MTMR10: variants seen among roughly 807,000 people sequenced by gnomAD.
The protein encoded by MTMR10 is myotubularin-related protein 10.
MTMR10 carries 56 observed loss-of-function variants against 88.1 expected under a neutral mutation model. The ratio of observed to expected loss-of-function variants is 0.64; its 90% CI spans 0.51 to 0.79. The LOEUF is 0.79. Ranked by LOEUF, MTMR10 falls within the 30% of genes least tolerant of loss-of-function variation. The pLI is 0.00. For synonymous variants in MTMR10, 380 were observed against 340.9 expected (o/e 1.11, Z -1.26); for missense variants, 883 against 924.7 (o/e 0.95, Z 0.58).
chr15:30,968,199 C>G (rs1359969940), intron 5 of MTMR10, 189 bp from the exon 6 acceptor site: 1 of 423,590 alleles, frequency 2.4e-6, no homozygotes, highest in Non-Finnish European at 4.2e-6. Context: ...TTCATGCCCT[C>G]AAGACATTGT....
intron 6 of MTMR10, among the ~76,000 whole-genome samples, chr15:30,964,890 A>G (rs1024503588): frequency 6.6e-6 from 1 of 152,210 alleles, no homozygotes; most frequent in East Asian, 1.9e-4. Context: ...TGGCCAATTG[A>G]TATCTAGAAT....
chr15:30,975,103 T>TA, intron 3 of MTMR10, 100 bp from the exon 4 acceptor site: 2 of 906,048 alleles, frequency 2.2e-6, no homozygotes, highest in Non-Finnish European at 3.2e-6. Flanking sequence ...CAGTTATCTC[T>TA]AAAAAGCACA....
the MTMR10 span, chr15:30,927,200 C>A: frequency 2.0e-6 from 2 of 977,798 alleles, no homozygotes; most frequent in South Asian, 4.7e-5. Context: ...CAGAGTGAGA[C>A]CCTGTCTCAA....
Position 30,953,545 on chromosome 15 carries a change from A to G in MTMR10, c.1136+17T>C. ...AAAATAAAAAGTTAAAGGAAAAGAA[A>G]GTAAAGAAGTACAAACCTTACATAT... On this transcript the variant is annotated intron_variant, in intron 11 of 15. Coordinates refer to ENST00000435680, the MANE Select transcript of MTMR10 (RefSeq NM_017762.3). 1 of 1,509,362 alleles carries G rather than the reference A, an allele frequency of 6.6e-7. No homozygotes were observed. The highest frequency in any genetic ancestry group is 2.5e-5 in the East Asian group (1 of 40,714). 93.5% of individuals were successfully genotyped at this position (1,509,362 alleles called of 1,614,324 possible).
At chr15:30,930,614 C>T in the MTMR10 span, 1 of 1,612,942 alleles carries the variant, frequency 6.2e-7, no homozygotes, top group Non-Finnish European at 8.5e-7. Flanking sequence ...ACTTTCGACA[C>T]TGTCGAGGGG....
At chr15:30,946,875 T>TTAAAGTAATTTACATA (rs1566947265) in intron 14 of MTMR10, 5 of 613,376 alleles carry the variant, frequency 8.2e-6, no homozygotes, top group Non-Finnish European at 1.4e-5. Flanking sequence ...TTTAAGGTGG[T>TTAAAGTAATTTACATA]TAAAGTAATT....
At chr15:30,930,539 T>G in the MTMR10 span, 2 of 1,591,614 alleles carry the variant, frequency 1.3e-6, no homozygotes, top group Non-Finnish European at 1.7e-6. Context: ...TGTTTTGTGT[T>G]CAGGATCTTG....
At chr15:30,990,943 A>C in intron 1 of MTMR10, 106 bp from the exon 2 acceptor site, 1 of 881,004 alleles carries the variant, frequency 1.1e-6, no homozygotes, top group Middle Eastern at 2.2e-4. Context: ...AAAGACACAC[A>C]GCCCCCCATT....
chr15:30,963,221 C>T (rs1257387321), intron 6 of MTMR10, among the ~76,000 whole-genome samples: 1 of 152,180 alleles, frequency 6.6e-6, no homozygotes, highest in African/African-American at 2.4e-5. Context: ...GGCTGCCCTA[C>T]TTCCATCACT....
At chr15:30,984,770 C>A (rs572879608) in intron 2 of MTMR10, among the ~76,000 whole-genome samples, 1 of 152,286 alleles carries the variant, frequency 6.6e-6, no homozygotes, top group South Asian at 2.1e-4. Context: ...ACTGTAGATG[C>A]GAACAGGGAA....
rs2063045873 is a variant in MTMR10 at position 30,941,358 on chromosome 15, C to CTATT, written c.*108_*111dup. ...TTTTAAATATTAGTGCAAATTCCAA[C>CTATT]TATTATTCTTACATATAAAGTTATT... On this transcript the variant is annotated 3_prime_UTR_variant, in exon 16 of 16. Coordinates refer to ENST00000435680, the MANE Select transcript of MTMR10 (RefSeq NM_017762.3). 1 of 1,536,836 alleles carries CTATT rather than the reference C, an allele frequency of 6.5e-7. No homozygotes were observed. The highest frequency in any genetic ancestry group is 8.7e-7 in the Non-Finnish European group (1 of 1,144,716).
the MTMR10 span, among the ~76,000 whole-genome samples, chr15:30,920,966 T>G: frequency 6.6e-6 from 1 of 152,154 alleles, no homozygotes; most frequent in Non-Finnish European, 1.5e-5. Context: ...GTATTTTTAG[T>G]AGAGGTGAGA....
intron 5 of MTMR10, among the ~76,000 whole-genome samples, chr15:30,972,098 G>GA (rs1357464959): frequency 1.3e-5 from 2 of 152,092 alleles, no homozygotes; most frequent in African/African-American, 4.8e-5. Flanking sequence ...CTCCAAACAT[G>GA]CATTTCATCA....
chr15:30,922,164 G>A, the MTMR10 span: 2 of 1,554,738 alleles, frequency 1.3e-6, no homozygotes. Flanking sequence ...CCAATCCTAT[G>A]GGCTTGTAAA....
the MTMR10 span, among the ~76,000 whole-genome samples, chr15:30,931,568 C>T: frequency 6.6e-6 from 1 of 152,146 alleles, no homozygotes. Context: ...GTTTTACATT[C>T]AGTTTTATGA....
the MTMR10 span, chr15:30,930,633 G>A: frequency 7.1e-5 from 115 of 1,612,786 alleles, no homozygotes; most frequent in Non-Finnish European, 9.0e-5. Flanking sequence ...GGGCCTCCCC[G>A]ACCTGGTGGT....
At chr15:30,971,622 C>A (rs1488467269) in intron 5 of MTMR10, among the ~76,000 whole-genome samples, 1 of 152,082 alleles carries the variant, frequency 6.6e-6, no homozygotes, top group African/African-American at 2.4e-5. Context: ...AAAGTGGAGA[C>A]AAAAGGCATG....
the MTMR10 span, chr15:30,920,417 CA>C: frequency 2.0e-5 from 13 of 657,160 alleles, no homozygotes; most frequent in Non-Finnish European, 3.1e-5. Flanking sequence ...GAAAATTGTA[CA>C]CAACTGAAAG....
chr15:30,937,336 T>C, downstream of MTMR10: 1 of 1,356,566 alleles, frequency 7.4e-7, no homozygotes, highest in Non-Finnish European at 1.0e-6. Flanking sequence ...TTTAATTTTG[T>C]TATCGTGCAT....
Sources: allele counts gnomAD v4.1 joint callset (sites outside exome capture counted in the v4.1 genomes callset), GRCh38; gene constraint gnomAD v4.1.1; transcripts MANE v1.5; gene names NCBI Gene and HGNC (gene_info 2026-07-23, HGNC 2026-07-21).